ACOXL: variants seen among roughly 807,000 people sequenced by gnomAD.
ACOXL encodes the protein acyl-coenzyme A oxidase-like protein.
A neutral mutation model predicts 71.9 loss-of-function variants in ACOXL; 70 were observed. The observed-to-expected ratio is 0.97, with a 90% CI of 0.80 to 1.19. ACOXL has a LOEUF of 1.19. Among genes scored for constraint, ACOXL ranks in the 50% most tolerant of loss-of-function variants. The probability of loss-of-function intolerance (pLI) is 0.00; values close to 1 mark genes in which losing one functional copy is unlikely to be tolerated. For synonymous variants in ACOXL, 253 were observed against 281.6 expected, an observed-to-expected ratio of 0.90 and a Z score of 1.02; for missense variants, 703 against 736.3, an observed-to-expected ratio of 0.95 and a Z score of 0.52.
chr2:110,819,153 A>T (rs1156490790), intron 9 of ACOXL, among the ~76,000 whole-genome samples: 1 of 152,190 alleles, frequency 6.6e-6, no homozygotes, highest in Non-Finnish European at 1.5e-5. Context: ...GACTCTGGGG[A>T]GGAGAGGCAT....
chr2:110,757,565 G>T (rs1161385015), intron 1 of ACOXL, among the ~76,000 whole-genome samples: 2 of 152,044 alleles, frequency 1.3e-5, no homozygotes, highest in Admixed American at 6.5e-5. Flanking sequence ...GGCATCTGTT[G>T]TTTTTTCACT....
intron 14 of ACOXL, among the ~76,000 whole-genome samples, chr2:111,023,816 G>A (rs1302902997): frequency 1.3e-5 from 2 of 152,156 alleles, no homozygotes; most frequent in African/African-American, 2.4e-5. Flanking sequence ...TTAAAATGCT[G>A]TGGTTGGGAG....
chr2:110,985,322 C>T (rs1027274710), intron 12 of ACOXL, among the ~76,000 whole-genome samples: 2 of 152,160 alleles, frequency 1.3e-5, no homozygotes, highest in African/African-American at 4.8e-5. Context: ...TTCTCAATCT[C>T]ACTGGACCTA....
chr2:111,029,449 G>C (rs561852884), intron 14 of ACOXL, among the ~76,000 whole-genome samples: 29 of 152,362 alleles, frequency 1.9e-4, no homozygotes, highest in Middle Eastern at 6.8e-3. Flanking sequence ...ACCTTCTGAT[G>C]CGTTCATTTT....
chr2:111,026,425 C>T (rs1255267705), intron 14 of ACOXL, among the ~76,000 whole-genome samples: 3 of 151,006 alleles, frequency 2.0e-5, no homozygotes, highest in Non-Finnish European at 3.0e-5. Context: ...TATAGTTCTC[C>T]GTTTTTTTAA....
chr2:110,945,070 A>G (rs1469896050), intron 12 of ACOXL, among the ~76,000 whole-genome samples: 1 of 152,022 alleles, frequency 6.6e-6, no homozygotes, highest in African/African-American at 2.4e-5. Context: ...TCTCATTGTG[A>G]TTTTAATTTG....
intron 12 of ACOXL, among the ~76,000 whole-genome samples, chr2:110,960,937 C>T (rs1411050328): frequency 6.6e-6 from 1 of 152,176 alleles, no homozygotes. Context: ...GACGTTTACC[C>T]AGGACATGGA....
At chr2:110,950,331 G>T (rs2061280540) in intron 12 of ACOXL, among the ~76,000 whole-genome samples, 1 of 152,160 alleles carries the variant, frequency 6.6e-6, no homozygotes, top group African/African-American at 2.4e-5. Context: ...AAAGTAGCCA[G>T]CAGTAAAACT....
intron 1 of ACOXL, among the ~76,000 whole-genome samples, chr2:110,740,475 C>G (rs1044077856): frequency 6.6e-6 from 1 of 152,168 alleles, no homozygotes; most frequent in African/African-American, 2.4e-5. Flanking sequence ...AGCCTGCAGC[C>G]CCACAGTCAC....
intron 2 of ACOXL, among the ~76,000 whole-genome samples, chr2:110,773,048 G>A (rs1168062872): frequency 6.6e-6 from 1 of 152,192 alleles, no homozygotes; most frequent in African/African-American, 2.4e-5. Context: ...GGAATCCTCA[G>A]AAAAGGTCCA....
Position 111,073,310 on chromosome 2 carries a change from C to T in ACOXL, c.1441-19555C>T, listed in dbSNP as rs530665728. On this transcript the variant is annotated intron_variant, in intron 16 of 17. Coordinates refer to ENST00000439055, the MANE Select transcript of ACOXL (RefSeq NM_001142807.4). The stretch of plus-strand genomic sequence containing the variant: ...CTTTCATGAGTTATGCTTTTGATGC[C>T]AAACCTAAGAACTCTTCGTTAAACC... Among the ~76,000 whole-genome samples the T allele has an allele frequency of 5.3e-5, 8 of 152,108 alleles. No homozygotes were observed. The Middle Eastern group carries it at 0.01, about 194-fold the overall frequency.
At chr2:110,978,529 G>A (rs894496103) in intron 12 of ACOXL, among the ~76,000 whole-genome samples, 15 of 152,098 alleles carry the variant, frequency 9.9e-5, no homozygotes, top group Admixed American at 3.3e-4. Flanking sequence ...CAAAGGAACC[G>A]GTGCAGGCTG....
At chr2:110,886,689 C>A (rs1317877731) in intron 10 of ACOXL, 4 of 1,502,980 alleles carry the variant, frequency 2.7e-6, no homozygotes, top group East Asian at 4.9e-5. Flanking sequence ...CTCCCCTATC[C>A]TTCTGAATGC....
At chr2:110,785,618 T>C (rs1683867269) in intron 3 of ACOXL, among the ~76,000 whole-genome samples, 1 of 152,144 alleles carries the variant, frequency 6.6e-6, no homozygotes, top group South Asian at 2.1e-4. Flanking sequence ...GATCATTCAT[T>C]TTTGACTGCT....
Position 110,835,350 on chromosome 2 carries a change from CT to C in ACOXL, c.754-6020del, listed in dbSNP as rs537139995. Among the ~76,000 whole-genome samples the C allele has an allele frequency of 9.8e-4, 149 of 152,078 alleles. 1 individual carries two copies. Among genetic ancestry groups the C allele is most frequent in the African/African-American group, 3.4e-3 (142 of 41,482 alleles). On this transcript the variant is annotated intron_variant, in intron 9 of 17. Transcript: ENST00000439055. ...TAGTGAACATAAGTTGCTGCTTTTCCTCCTCTTCCCTGTCTTGTTGTATTTT... is the reference window on the plus strand; with the variant it reads ...TAGTGAACATAAGTTGCTGCTTTTCCCCTCTTCCCTGTCTTGTTGTATTTT...
chr2:110,934,795 G>A (rs907239562), intron 12 of ACOXL, among the ~76,000 whole-genome samples: 1 of 152,284 alleles, frequency 6.6e-6, no homozygotes, highest in East Asian at 1.9e-4. Flanking sequence ...ATGTGTCCCT[G>A]ATGATGGTGG....
intron 2 of ACOXL, among the ~76,000 whole-genome samples, chr2:110,778,091 G>A (rs1044927835): frequency 5.3e-5 from 8 of 152,210 alleles, no homozygotes; most frequent in African/African-American, 1.9e-4. Flanking sequence ...TTGGCGCTGT[G>A]ACTTCTGGGC....
chr2:110,950,185 G>A (rs925201826), intron 12 of ACOXL, among the ~76,000 whole-genome samples: 1 of 152,166 alleles, frequency 6.6e-6, no homozygotes, highest in African/African-American at 2.4e-5. Flanking sequence ...GTTAATGGGT[G>A]CAGCACACCA....
intron 12 of ACOXL, among the ~76,000 whole-genome samples, chr2:110,982,493 A>T (rs1158051690): frequency 6.6e-6 from 1 of 151,708 alleles, no homozygotes; most frequent in African/African-American, 2.4e-5. Context: ...ATTTTTAAAG[A>T]TTCTCCCCGA....
Sources: gnomAD v4.1 joint callset for allele counts (sites outside exome capture counted in the v4.1 genomes callset) on GRCh38, gnomAD v4.1.1 for gene constraint, MANE v1.5 for transcripts, NCBI Gene and HGNC (gene_info 2026-07-23, HGNC 2026-07-21) for gene names.